The following PWP1 variants were observed in gnomAD, a reference collection of about 807,000 sequenced individuals.
The protein encoded by PWP1 is periodic tryptophan protein 1 homolog.
Under a neutral mutation model 69.9 loss-of-function variants are expected in PWP1, and 47 were observed. That is an observed-to-expected ratio of 0.67 (90% CI 0.53 to 0.86). The LOEUF is 0.86. Ranked by LOEUF, PWP1 falls within the 40% of genes least tolerant of loss-of-function variation. The probability of loss-of-function intolerance (pLI) is 0.00; values close to 1 mark genes in which losing one functional copy is unlikely to be tolerated. For synonymous variants in PWP1, 222 were observed against 208.2 expected, an observed-to-expected ratio of 1.07 and a Z score of -0.57; for missense variants, 551 against 608.8, an observed-to-expected ratio of 0.91 and a Z score of 1.00.
Position 107,709,245 on chromosome 12 carries a change from C to T in PWP1, c.1290+13C>T, listed in dbSNP as rs746596993. ...GGACATGAAAATGGTAAGAATCTCC[C>T]TGGGTATCTGTTTTTTATTTATTCT... On this transcript the variant is annotated intron_variant, in intron 13 of 14. Coordinates refer to ENST00000412830, the MANE Select transcript of PWP1 (RefSeq NM_007062.3). 5.0e-6 allele frequency: 8 copies of T among 1,609,914 alleles called. No homozygotes were observed. In the South Asian group the frequency reaches 8.8e-5, roughly 18 times the overall value.
intron 8 of PWP1, among the ~76,000 whole-genome samples, chr12:107,702,430 G>T (rs557658133): frequency 2.0e-5 from 3 of 151,946 alleles, no homozygotes; most frequent in Non-Finnish European, 2.9e-5. Context: ...ACAGGCATGC[G>T]CCACCATGCC....
chr12:107,710,105 T>G (rs1038565986), intron 13 of PWP1, among the ~76,000 whole-genome samples: 3 of 152,166 alleles, frequency 2.0e-5, no homozygotes, highest in African/African-American at 4.8e-5. Context: ...CATGGCACAT[T>G]AGGTTTGTTA....
chr12:107,704,590 G>A, intron 10 of PWP1, 46 bp from the exon 11 acceptor site: 2 of 1,276,166 alleles, frequency 1.6e-6, no homozygotes, highest in Non-Finnish European at 2.3e-6. Flanking sequence ...AAAACATATA[G>A]GAGAATTGAA....
At chr12:107,686,700 C>T (rs940739579) in intron 1 of PWP1, among the ~76,000 whole-genome samples, 23 of 152,236 alleles carry the variant, frequency 1.5e-4, no homozygotes, top group African/African-American at 5.3e-4. Flanking sequence ...GGCGCGGTGG[C>T]TCACGCCTGT....
At position 107,685,913 on chromosome 12, in the gene PWP1, G is replaced by T. The variant is rs1341263184; in HGVS notation, c.14G>T (p.Arg5Leu). Residue 5 changes from arginine (R) to leucine (L), a missense_variant, in exon 1 of 15, where the codon CGC becomes CTC. Physicochemically the swap from Arg to Leu is moderately radical, Grantham distance 102. Coordinates refer to ENST00000412830, the MANE Select transcript of PWP1 (RefSeq NM_007062.3). ...GACTTGAGGACCATGAACCGCAGCC[G>T]CCAGGTGACGTGCGTGGCCTGGGTC... Reference protein sequence around the residue: MNRSRQVTCVAWVRC... With the variant: MNRSLQVTCVAWVRC... 4 of 1,613,872 alleles carry T rather than the reference G, an allele frequency of 2.5e-6. No individual in the cohort carries two copies. Among genetic ancestry groups the T allele is most frequent in the Non-Finnish European group, 3.4e-6 (4 of 1,179,964 alleles).
In PWP1 at chr12:107,706,557, A is replaced by G. The variant is rs1224713165; in HGVS notation, c.1077+1810A>G. Among the ~76,000 whole-genome samples the G allele has an allele frequency of 2.6e-5, 4 of 152,188 alleles. 1 individual carries two copies. Among genetic ancestry groups the G allele is most frequent in the Admixed American group, 1.3e-4 (2 of 15,274 alleles). ...AACATTTAATTTAAGTCTTTAATCCATCTGGAATTAATTTTTGTATAAGCT... is the reference window on the plus strand; with the variant it reads ...AACATTTAATTTAAGTCTTTAATCCGTCTGGAATTAATTTTTGTATAAGCT... On this transcript the variant is annotated intron_variant, in intron 11 of 14. Transcript: ENST00000412830.
At chr12:107,704,467 C>T (rs1235103022) in intron 10 of PWP1, among the ~76,000 whole-genome samples, 169 bp from the exon 11 acceptor site, 1 of 152,204 alleles carries the variant, frequency 6.6e-6, no homozygotes, top group Non-Finnish European at 1.5e-5. Context: ...GATCAGAATC[C>T]ACCAATTACT....
rs189565297 is a variant in PWP1 at position 107,705,640 on chromosome 12, A to G, written c.1077+893A>G. ...CAACGTTTGGTTTTCTGTCCTTGCG[A>G]TAGATAGTTTTCTGAGAATGATGGT... On this transcript the variant is annotated intron_variant, in intron 11 of 14. Coordinates refer to ENST00000412830, the MANE Select transcript of PWP1 (RefSeq NM_007062.3). 2.5e-4 allele frequency among the ~76,000 whole-genome samples: 37 copies of G among 150,836 alleles called. 1 individual carries two copies. The East Asian group carries it at 6.3e-3, about 26-fold the overall frequency.
rs1369073037 is a variant in PWP1, at chr12:107,697,481, G to A, written c.628G>A (p.Val210Ile). Residue 210 changes from valine to isoleucine, a missense_variant, in exon 7 of 15, where the codon GTA becomes ATA. Val to Ile is a conservative substitution (Grantham distance 29). Transcript: ENST00000412830. Reference protein sequence around the residue: ...PDDSTGNYIAVGNMTPVIEVW... With the variant: ...PDDSTGNYIAIGNMTPVIEVW... ...TCCTCCCATAGGAAATTACATTGCT[G>A]TAGGAAACATGACCCCTGTTATTGA... 1 of 1,591,648 alleles carries A rather than the reference G, an allele frequency of 6.3e-7. No homozygotes were observed. Among genetic ancestry groups the A allele is most frequent in the Non-Finnish European group, 8.5e-7 (1 of 1,172,758 alleles).
At chr12:107,688,593 C>G (rs1429418027) in intron 2 of PWP1, 22 bp from the exon 3 acceptor site, 1 of 1,611,682 alleles carries the variant, frequency 6.2e-7, no homozygotes, top group Non-Finnish European at 8.5e-7. Flanking sequence ...GGGTGATTCT[C>G]TTTTTCTTTC....
At chr12:107,700,908 T>A (rs1037554741) in intron 8 of PWP1, among the ~76,000 whole-genome samples, 1 of 152,188 alleles carries the variant, frequency 6.6e-6, no homozygotes, top group African/African-American at 2.4e-5. Flanking sequence ...CCCCCCCTTT[T>A]TTTAAGGTAA....
In PWP1 at chr12:107,688,439, C is replaced by A; in HGVS notation, c.73-9C>A. The A allele has an allele frequency of 1.2e-6, 2 of 1,601,240 alleles. No individual in the cohort carries two copies. Among genetic ancestry groups the A allele is most frequent in the South Asian group, 2.3e-5 (2 of 87,938 alleles). Reference sequence around the variant, plus strand: ...CACATATTGTAATGAAATCTTTGCTCTCTTACAGGTAGAGCTGAGTAAAGA... The same window carrying A: ...CACATATTGTAATGAAATCTTTGCTATCTTACAGGTAGAGCTGAGTAAAGA... On this transcript the variant is annotated splice_polypyrimidine_tract_variant and intron_variant, in intron 1 of 14. Transcript: ENST00000412830.
intron 11 of PWP1, among the ~76,000 whole-genome samples, chr12:107,706,141 A>C (rs1292218599): frequency 2.0e-5 from 3 of 152,230 alleles, no homozygotes; most frequent in African/African-American, 7.2e-5. Flanking sequence ...CATTTCTCTG[A>C]TGGCCAGTGA....
chr12:107,688,413 A>T, intron 1 of PWP1, 35 bp from the exon 2 acceptor site: 1 of 1,562,114 alleles, frequency 6.4e-7, no homozygotes, highest in Non-Finnish European at 8.7e-7. Flanking sequence ...TGATTTCCTT[A>T]CACATATTGT....
chr12:107,686,196 CA>C, intron 1 of PWP1: 1 of 592,370 alleles, frequency 1.7e-6, no homozygotes, highest in Non-Finnish European at 3.0e-6. Flanking sequence ...TTCCCACCCT[CA>C]AGCCCAACCC....
Position 107,685,851 on chromosome 12 carries a change from T to TC in PWP1, c.-46dup. 1 of 1,603,168 alleles carries TC rather than the reference T, an allele frequency of 6.2e-7. No homozygotes were observed. On this transcript the variant is annotated 5_prime_UTR_variant, in exon 1 of 15. Transcript: ENST00000412830. Reference sequence around the variant, plus strand: ...GTGGCAGCAGTGCGGTCGTGGTCCCTCCCTATGCAGCCTGGTTTCTAGCGT... The same window carrying TC: ...GTGGCAGCAGTGCGGTCGTGGTCCCTCCCCTATGCAGCCTGGTTTCTAGCGT...
chr12:107,691,801 C>T (rs758856356), intron 3 of PWP1, among the ~76,000 whole-genome samples: 4 of 152,168 alleles, frequency 2.6e-5, no homozygotes, highest in Non-Finnish European at 4.4e-5. Flanking sequence ...CCGTTTTCCT[C>T]ATTCGCTTGG....
At chr12:107,691,223 A>C (rs1365124665) in intron 3 of PWP1, among the ~76,000 whole-genome samples, 1 of 152,228 alleles carries the variant, frequency 6.6e-6, no homozygotes, top group Non-Finnish European at 1.5e-5. Context: ...GTGATGATAC[A>C]GCCTGGAAAA....
chr12:107,696,714 A>T, intron 6 of PWP1, 130 bp downstream of exon 6: 1 of 1,417,704 alleles, frequency 7.1e-7, no homozygotes, highest in Non-Finnish European at 9.4e-7. Flanking sequence ...CTGTTATTTT[A>T]TGAAGTTATA....
Sources: gnomAD v4.1 joint callset for allele counts (sites outside exome capture counted in the v4.1 genomes callset) on GRCh38, gnomAD v4.1.1 for gene constraint, MANE v1.5 for transcripts, NCBI Gene and HGNC (gene_info 2026-07-23, HGNC 2026-07-21) for gene names.